MPP7: variants seen among roughly 807,000 people sequenced by gnomAD.
MPP7 encodes the protein MAGUK p55 scaffold protein 7, also known as MAGUK p55 subfamily member 7.
MPP7 carries 60 observed loss-of-function variants against 76.5 expected under a neutral mutation model. That is an observed-to-expected ratio of 0.78 (90% confidence interval 0.64 to 0.97). The LOEUF (loss-of-function observed/expected upper bound fraction) is 0.97. MPP7 is among the 50% of genes least tolerant of loss of function. The probability of loss-of-function intolerance (pLI) is 0.00; values close to 1 mark genes in which losing one functional copy is unlikely to be tolerated. For missense variants in MPP7, 641 were observed against 694.0 expected, an observed-to-expected ratio of 0.92 and a Z score of 0.86; for synonymous variants, 237 against 244.5, an observed-to-expected ratio of 0.97 and a Z score of 0.29.
chr10:28,253,184 G>A (rs1839671819), intron 1 of MPP7, among the ~76,000 whole-genome samples: 1 of 152,190 alleles, frequency 6.6e-6, no homozygotes, highest in Non-Finnish European at 1.5e-5. Context: ...GGGATTACAG[G>A]CGTGAGCCAC....
intron 2 of MPP7, among the ~76,000 whole-genome samples, chr10:28,225,863 C>G (rs1184258926): frequency 6.6e-6 from 1 of 152,138 alleles, no homozygotes; most frequent in Non-Finnish European, 1.5e-5. Flanking sequence ...AACCCAGTGA[C>G]TTGGCTAATT....
chr10:28,141,616 A>G (rs950611329), intron 5 of MPP7, among the ~76,000 whole-genome samples: 6 of 151,574 alleles, frequency 4.0e-5, no homozygotes, highest in African/African-American at 1.5e-4. Context: ...GTGTATACAT[A>G]TAAATATATG....
intron 3 of MPP7, among the ~76,000 whole-genome samples, chr10:28,163,032 T>C (rs1413366060): frequency 6.6e-6 from 1 of 152,146 alleles, no homozygotes; most frequent in Non-Finnish European, 1.5e-5. Context: ...TCATTACATC[T>C]GCAAAGTCCC....
intron 5 of MPP7, among the ~76,000 whole-genome samples, chr10:28,133,076 G>A (rs555542415): frequency 6.6e-6 from 1 of 152,286 alleles, no homozygotes; most frequent in East Asian, 1.9e-4. Context: ...GCAAAGTTTA[G>A]CAGGTGGAAC....
chr10:28,119,060 G>A, intron 11 of MPP7: 3 of 985,296 alleles, frequency 3.0e-6, no homozygotes, highest in Non-Finnish European at 2.4e-6. Flanking sequence ...CAGAAGATTA[G>A]GCTGAAAGAG....
chr10:28,211,464 G>T lies in MPP7; in HGVS notation c.38-9193C>A, dbSNP rs565360986. On this transcript the variant is annotated intron_variant, in intron 2 of 16. Transcript: ENST00000683449. ...TTTGCCATATATATATATATATATA[G>T]AGAGAGAGAGAGAATTACTGTAAAA... Among the ~76,000 whole-genome samples the T allele has an allele frequency of 5.7e-4, 86 of 150,482 alleles. No homozygotes were observed. In the South Asian group the frequency reaches 6.8e-3, roughly 12 times the overall value.
intron 1 of MPP7, among the ~76,000 whole-genome samples, chr10:28,264,511 G>T (rs986485701): frequency 4.6e-5 from 7 of 151,670 alleles, no homozygotes; most frequent in Non-Finnish European, 8.8e-5. Context: ...CCTGGTGTCT[G>T]CCTTGGTCAC....
chr10:28,246,517 G>C (rs1475293236), intron 1 of MPP7, among the ~76,000 whole-genome samples: 1 of 152,134 alleles, frequency 6.6e-6, no homozygotes, highest in African/African-American at 2.4e-5. Context: ...AAGCTCTTTG[G>C]TAAAGCTGAA....
chr10:28,323,794 T>C (rs1399826549), intron 2 of MPP7, among the ~76,000 whole-genome samples: 1 of 152,142 alleles, frequency 6.6e-6, no homozygotes, highest in Non-Finnish European at 1.5e-5. Context: ...CTGATGGAGC[T>C]TGATGGTTTG....
chr10:28,329,290 T>C (rs1171783009), intron 2 of MPP7, among the ~76,000 whole-genome samples: 1 of 152,210 alleles, frequency 6.6e-6, no homozygotes, highest in Non-Finnish European at 1.5e-5. Flanking sequence ...CTCTCTTACT[T>C]GATATTTTCA....
chr10:28,326,621 A>G (rs1297307141), intron 2 of MPP7, among the ~76,000 whole-genome samples: 1 of 152,216 alleles, frequency 6.6e-6, no homozygotes, highest in African/African-American at 2.4e-5. Context: ...CTAATGTCAC[A>G]TGGTAAGATG....
intron 11 of MPP7, among the ~76,000 whole-genome samples, chr10:28,098,221 AACTTATAAAAC>A (rs1206692116): frequency 6.6e-6 from 1 of 152,074 alleles, no homozygotes; most frequent in African/African-American, 2.4e-5. Context: ...ATGATCAATT[AACTTATAAAAC>A]ACCTTCTCAA....
chr10:28,054,261 T>TA lies in MPP7; in HGVS notation c.1552-18dup. 1 of 1,484,426 alleles carries TA rather than the reference T, an allele frequency of 6.7e-7. No individual in the cohort carries two copies. The highest frequency in any genetic ancestry group is 9.2e-7 in the Non-Finnish European group (1 of 1,087,704). 92.0% of individuals were successfully genotyped at this position (1,484,426 alleles called of 1,614,324 possible). A position where few individuals can be genotyped will look rare whatever the true frequency, so the allele number is the denominator to read the frequency against. ...ATCTTCTTCCTACAAAAGGAAGTAT[T>TA]AAAAAAATAATTGGTTAACCAGGCC... is the stretch of plus-strand genomic sequence containing the variant. On this transcript the variant is annotated splice_polypyrimidine_tract_variant and intron_variant, in intron 16 of 16. Coordinates refer to ENST00000683449, the MANE Select transcript of MPP7 (RefSeq NM_001318170.2).
chr10:28,149,622 AATAGAGCT>A (rs1835813738), intron 4 of MPP7, among the ~76,000 whole-genome samples: 1 of 152,204 alleles, frequency 6.6e-6, no homozygotes, highest in Non-Finnish European at 1.5e-5. Flanking sequence ...TACTGTCAGC[AATAGAGCT>A]ATCTCATTTG....
upstream of MPP7, among the ~76,000 whole-genome samples, chr10:28,303,078 T>G (rs2133162891): frequency 6.6e-6 from 1 of 152,050 alleles, no homozygotes; most frequent in East Asian, 1.9e-4. Flanking sequence ...GCCCCCACCC[T>G]CGGAGGGGCG....
chr10:28,075,538 T>C (rs1852443985), intron 12 of MPP7, among the ~76,000 whole-genome samples: 1 of 152,188 alleles, frequency 6.6e-6, no homozygotes, highest in African/African-American at 2.4e-5. Flanking sequence ...CTCTTAATTC[T>C]TGCCACTCCT....
rs74129040 is a variant in MPP7, at chr10:28,280,547, C to A, written c.-132+22314G>T. On this transcript the variant is annotated intron_variant, in intron 1 of 16. Coordinates refer to ENST00000683449, the MANE Select transcript of MPP7 (RefSeq NM_001318170.2). Reference sequence around the variant, plus strand: ...AGAACCCATGCATACAGGGGCCTGACGGTATAGTGATGTCATATGCAGTCC... The same window carrying A: ...AGAACCCATGCATACAGGGGCCTGAAGGTATAGTGATGTCATATGCAGTCC... 9.5e-3 allele frequency among the ~76,000 whole-genome samples: 1,439 copies of A among 152,008 alleles called. 36 individuals are homozygous for A. The highest frequency in any genetic ancestry group is 0.033 in the African/African-American group (1,354 of 41,348).
At chr10:28,066,061 T>C (rs926821442) in intron 13 of MPP7, among the ~76,000 whole-genome samples, 2 of 152,188 alleles carry the variant, frequency 1.3e-5, no homozygotes, top group African/African-American at 2.4e-5. Flanking sequence ...TTGATGTTGC[T>C]TTTCAAGGAG....
chr10:28,056,966 A>G (rs989946809), intron 15 of MPP7, among the ~76,000 whole-genome samples: 9 of 152,162 alleles, frequency 5.9e-5, no homozygotes, highest in African/African-American at 2.2e-4. Flanking sequence ...ATCCCTTTTA[A>G]GCCCCTTTCT....
Sources: gnomAD v4.1 joint callset for allele counts (sites outside exome capture counted in the v4.1 genomes callset) on GRCh38, gnomAD v4.1.1 for gene constraint, MANE v1.5 for transcripts, NCBI Gene and HGNC (gene_info 2026-07-23, HGNC 2026-07-21) for gene names.